The following TAS2R1 variants were observed in gnomAD, a reference collection of about 807,000 sequenced individuals.
The protein encoded by TAS2R1 is taste receptor type 2 member 1.
For synonymous variants in TAS2R1, 141 were observed against 134.2 expected, an observed-to-expected ratio of 1.05 and a Z score of -0.35; for missense variants, 370 against 353.4, an observed-to-expected ratio of 1.05 and a Z score of -0.38.
chr5:9,749,209 T>C, the TAS2R1 span, among the ~76,000 whole-genome samples: 1 of 152,134 alleles, frequency 6.6e-6, no homozygotes, highest in Non-Finnish European at 1.5e-5. Flanking sequence ...CATGATTAAG[T>C]CAAGGCACAG....
chr5:9,734,355 C>T, the TAS2R1 span, among the ~76,000 whole-genome samples: 6 of 152,118 alleles, frequency 3.9e-5, no homozygotes, highest in Admixed American at 6.6e-5. Context: ...TATTTTTGTC[C>T]AATCAATACA....
the TAS2R1 span, among the ~76,000 whole-genome samples, chr5:9,805,558 T>G: frequency 1.3e-5 from 2 of 152,064 alleles, no homozygotes. Flanking sequence ...CATGATCAAG[T>G]GGGTCTCACA....
At chr5:9,648,415 G>T (rs774639804) in intron 2 of TAS2R1, among the ~76,000 whole-genome samples, 1 of 151,942 alleles carries the variant, frequency 6.6e-6, no homozygotes, top group East Asian at 1.9e-4. Context: ...ATTTCAGGTG[G>T]CCTGAAATTT....
chr5:9,790,487 G>A, the TAS2R1 span, among the ~76,000 whole-genome samples: 4 of 152,226 alleles, frequency 2.6e-5, no homozygotes, highest in South Asian at 4.1e-4. Flanking sequence ...GCTGTTTCCC[G>A]TCAACGGCAA....
chr5:9,637,435 C>G (rs1739985372), intron 2 of TAS2R1, among the ~76,000 whole-genome samples: 1 of 152,080 alleles, frequency 6.6e-6, no homozygotes, highest in Non-Finnish European at 1.5e-5. Flanking sequence ...ATTAATTTCC[C>G]AGGTTTTCTT....
chr5:9,687,303 C>T lies in TAS2R1; in HGVS notation c.-242+24869G>A, dbSNP rs78420194. On this transcript the variant is annotated intron_variant, in intron 1 of 2. Transcript: ENST00000506620. The stretch of plus-strand genomic sequence containing the variant: ...GTATTTATTATCCTGTAGTGCTCTC[C>T]AAACAAGCATGCTTTATTTTAAAAA... Among the ~76,000 whole-genome samples the T allele has an allele frequency of 9.3e-3, 1,415 of 152,266 alleles. 21 individuals are homozygous for T. Among genetic ancestry groups the T allele is most frequent in the African/African-American group, 0.032 (1,348 of 41,536 alleles).
chr5:9,683,905 G>A (rs949847200), intron 1 of TAS2R1, among the ~76,000 whole-genome samples: 2 of 152,156 alleles, frequency 1.3e-5, no homozygotes, highest in Admixed American at 6.6e-5. Flanking sequence ...CTGTCAGGTT[G>A]CCAGCATCTA....
the TAS2R1 span, among the ~76,000 whole-genome samples, chr5:9,814,873 T>A: frequency 6.6e-6 from 1 of 152,228 alleles, no homozygotes; most frequent in East Asian, 1.9e-4. Context: ...TAATAAATTA[T>A]CTCATTACTG....
the TAS2R1 span, among the ~76,000 whole-genome samples, chr5:9,869,508 G>A: frequency 6.6e-6 from 1 of 152,196 alleles, no homozygotes; most frequent in African/African-American, 2.4e-5. Flanking sequence ...CCCACGACAT[G>A]TGGAGATTAT....
chr5:9,829,551 T>G, the TAS2R1 span, among the ~76,000 whole-genome samples: 1 of 152,234 alleles, frequency 6.6e-6, no homozygotes, highest in East Asian at 1.9e-4. Flanking sequence ...CTGTGATTAC[T>G]GAAATTAAAA....
intron 2 of TAS2R1, chr5:9,641,236 C>G (rs1740076039): frequency 6.6e-6 from 1 of 152,144 alleles, no homozygotes; most frequent in African/African-American, 2.4e-5. Flanking sequence ...ATTCTAGGAT[C>G]CTGAGGGGCC....
chr5:9,674,758 T>A (rs1351262512), intron 1 of TAS2R1, among the ~76,000 whole-genome samples: 2 of 152,110 alleles, frequency 1.3e-5, no homozygotes, highest in African/African-American at 4.8e-5. Context: ...ATTTTTCACA[T>A]AACCCAGAAA....
At chr5:9,812,490 G>GCCAGAGATAAAGATAT in the TAS2R1 span, among the ~76,000 whole-genome samples, 41 of 152,104 alleles carry the variant, frequency 2.7e-4, no homozygotes, top group South Asian at 8.3e-3. Context: ...AAAGATATAG[G>GCCAGAGATAAAGATAT]AGGAATTCAA....
At chr5:9,764,601 G>A in the TAS2R1 span, among the ~76,000 whole-genome samples, 1 of 152,136 alleles carries the variant, frequency 6.6e-6, no homozygotes, top group African/African-American at 2.4e-5. Flanking sequence ...CTAACAAGTA[G>A]GTCCCTTACA....
chr5:9,877,011 A>G, the TAS2R1 span, among the ~76,000 whole-genome samples: 7 of 152,252 alleles, frequency 4.6e-5, no homozygotes, highest in African/African-American at 1.7e-4. Flanking sequence ...ATAAAGTTCT[A>G]GAAAAACACA....
At chr5:9,892,669 C>A in the TAS2R1 span, among the ~76,000 whole-genome samples, 1 of 152,104 alleles carries the variant, frequency 6.6e-6, no homozygotes, top group Non-Finnish European at 1.5e-5. Flanking sequence ...CTGCACTTGA[C>A]CCCCCTCCAC....
intron 1 of TAS2R1, among the ~76,000 whole-genome samples, chr5:9,710,090 C>G (rs1741700168): frequency 6.6e-6 from 1 of 152,370 alleles, no homozygotes; most frequent in African/African-American, 2.4e-5. Context: ...TCTTGCCAAC[C>G]AGGTCCACAT....
In TAS2R1 at chr5:9,637,672, A is replaced by G. The variant is rs528303709; in HGVS notation, c.-80-7680T>C. 5.1e-4 allele frequency among the ~76,000 whole-genome samples: 77 copies of G among 152,212 alleles called. 1 individual carries two copies. The South Asian group carries it at 0.015, about 30-fold the overall frequency. ...TTTCTGATTGAATTAATTCAAAAAC[A>G]TAGTCTTCAAGCTCTGAATTTCTTT... is the stretch of plus-strand genomic sequence containing the variant. On this transcript the variant is annotated intron_variant, in intron 2 of 2. Coordinates refer to the TAS2R1 transcript ENST00000506620.
the TAS2R1 span, among the ~76,000 whole-genome samples, chr5:9,756,463 C>G: frequency 1.4e-4 from 21 of 152,260 alleles, no homozygotes; most frequent in African/African-American, 5.1e-4. Flanking sequence ...TTCTGAAATA[C>G]TCATGTTCAT....
Sources: gnomAD v4.1 joint callset for allele counts (sites outside exome capture counted in the v4.1 genomes callset) on GRCh38, gnomAD v4.1.1 for gene constraint, MANE v1.5 for transcripts, NCBI Gene and HGNC (gene_info 2026-07-23, HGNC 2026-07-21) for gene names.